The following SMAD7 variants were observed in gnomAD, a reference collection of about 807,000 sequenced individuals.
The protein encoded by SMAD7 is MAD (mothers against decapentaplegic, Drosophila) homolog 7.
SMAD7 carries 8 observed loss-of-function variants against 38.7 expected under a neutral mutation model. That is an observed-to-expected ratio of 0.21 (90% CI 0.12 to 0.37). The LOEUF (loss-of-function observed/expected upper bound fraction) is 0.37, where lower values mean the gene tolerates loss of function less well. Among genes scored for constraint, SMAD7 ranks in the 10% least tolerant of loss-of-function variants. The pLI is 1.00. For missense variants in SMAD7, 477 were observed against 577.9 expected, an observed-to-expected ratio of 0.83 and a Z score of 1.79; for synonymous variants, 327 against 265.1, an observed-to-expected ratio of 1.23 and a Z score of -2.27.
intron 3 of SMAD7, among the ~76,000 whole-genome samples, chr18:48,927,540 A>G (rs2069943460): frequency 6.6e-6 from 1 of 152,138 alleles, no homozygotes; most frequent in South Asian, 2.1e-4. Flanking sequence ...TATGCATTTC[A>G]CACCAACCTC....
At chr18:48,942,629 T>C in intron 2 of SMAD7, 74 bp from the exon 3 acceptor site, 1 of 1,606,054 alleles carries the variant, frequency 6.2e-7, no homozygotes, top group Non-Finnish European at 8.5e-7. Context: ...TTAAGCACGC[T>C]CTAAACAGCA....
At chr18:48,934,835 A>T (rs183533404) in intron 3 of SMAD7, among the ~76,000 whole-genome samples, 2 of 152,080 alleles carry the variant, frequency 1.3e-5, no homozygotes, top group East Asian at 3.9e-4. Flanking sequence ...CCTTTCACGA[A>T]CCACTTTTCT....
rs995153451 is a variant in SMAD7 at position 48,921,221 on chromosome 18, C to T, written c.*151G>A. On this transcript the variant is annotated 3_prime_UTR_variant, in exon 4 of 4. Transcript: ENST00000262158. The surrounding 1 kb of genome is among the most constrained non-coding windows in gnomAD (Gnocchi z 6.4). ...AGAGCGAAACAAAACAGAACACAAACGAGGACGAGAAGAAGAAAACCAACC... is the reference window on the plus strand; with the variant it reads ...AGAGCGAAACAAAACAGAACACAAATGAGGACGAGAAGAAGAAAACCAACC... 2.1e-5 allele frequency: 14 copies of T among 656,882 alleles called. No homozygotes were observed. The highest frequency in any genetic ancestry group is 1.0e-4 in the South Asian group (5 of 47,872). The allele number at this position is 656,882 out of a possible 1,614,324, so 40.7% of individuals were successfully genotyped here.
At chr18:48,944,851 C>G (rs2070178933) in intron 2 of SMAD7, among the ~76,000 whole-genome samples, 2 of 152,228 alleles carry the variant, frequency 1.3e-5, no homozygotes, top group Admixed American at 1.3e-4. Flanking sequence ...ACTCCTGACT[C>G]ACGCAACACT....
At position 48,950,284 on chromosome 18, in the gene SMAD7, C is replaced by A. The variant is rs1471477835; in HGVS notation, c.141G>T (p.Ala47=). 5.2e-6 allele frequency: 8 copies of A among 1,528,504 alleles called. No individual in the cohort carries two copies. The highest frequency in any genetic ancestry group is 1.4e-5 in the African/African-American group (1 of 70,792). 94.7% of individuals were successfully genotyped at this position (1,528,504 alleles called of 1,614,324 possible). ...CCGGGCCGCCGCCACCGGCCCCATG[C>A]GCTCGGCTGTCCGTCGCCCCTTCTC... ...LRGEGATDSR[A]HGAGGGGPGR... is the part of the protein sequence containing the mutation. Residue 47 remains alanine, a synonymous_variant, in exon 1 of 4, where the codon GCG becomes GCT. Transcript: ENST00000262158.
At position 48,950,261 on chromosome 18, in the gene SMAD7, G is replaced by T; in HGVS notation, c.164C>A (p.Pro55Gln). The T allele has an allele frequency of 6.6e-7, 1 of 1,518,292 alleles. No individual in the cohort carries two copies. 94.1% of individuals were successfully genotyped at this position (1,518,292 alleles called of 1,614,324 possible). A position where few individuals can be genotyped will look rare whatever the true frequency, so the allele number is the denominator to read the frequency against. ...GCCCAGGCAGCATCCAGCCCTGCCC[G>T]GGCCGCCGCCACCGGCCCCATGCGC... ...SRAHGAGGGG[P>Q]GRAGCCLGKA... The change falls in exon 1 of 4, where the codon CCG becomes CAG. Residue 55 changes from proline to glutamine, a missense_variant. By Grantham distance (76) the Pro-to-Gln change is moderately conservative (BLOSUM62 -1). Around this residue, in one of 2 missense-constraint regions of SMAD7, gnomAD observed 376 missense variants for 379.4 expected, o/e 0.99. Transcript: ENST00000262158.
chr18:48,950,416 C>A lies in SMAD7; in HGVS notation c.9G>T (p.Arg3Ser). 6.5e-7 allele frequency: 1 copy of A among 1,549,808 alleles called. No individual in the cohort carries two copies. Among genetic ancestry groups the A allele is most frequent in the South Asian group, 1.2e-5 (1 of 83,798 alleles). Residue 3 changes from arginine (R) to serine (S), a missense_variant, in exon 1 of 4, where the codon AGG (arginine) becomes AGT (serine). Arg to Ser is a moderately radical substitution (Grantham distance 110). This residue lies in a region of SMAD7 where 376 missense variants were observed against 379.4 expected (regional missense o/e 0.99). Coordinates refer to ENST00000262158, the MANE Select transcript of SMAD7 (RefSeq NM_005904.4). ...GCCGGACGAGCGCAGATCGTTTGGT[C>A]CTGAACATGCGGGGCGAGGAGGCGA... MFRTKRSALVRRL... is the reference protein window; with the variant it reads MFSTKRSALVRRL...
intron 2 of SMAD7, among the ~76,000 whole-genome samples, chr18:48,944,792 C>T (rs765799833): frequency 3.3e-5 from 5 of 152,212 alleles, no homozygotes; most frequent in East Asian, 1.9e-4. Flanking sequence ...AGGCCTGTGT[C>T]GCCTGTTCCC....
chr18:48,920,430 TC>T lies in SMAD7; in HGVS notation c.*941del, dbSNP rs1406226422. The T allele has an allele frequency of 6.6e-6, 1 of 152,296 alleles. No homozygotes were observed. The highest frequency in any genetic ancestry group is 1.5e-5 in the Non-Finnish European group (1 of 68,058). 9.4% of individuals were successfully genotyped at this position (152,296 alleles called of 1,614,324 possible). ...GCTAAGCATGTCCCTCCCAGGGACA[TC>T]CCCGCTTGCTGGCCTAATAGCAGAG... On this transcript the variant is annotated 3_prime_UTR_variant, in exon 4 of 4. Transcript: ENST00000262158.
At chr18:48,934,286 G>A (rs7351039) in intron 3 of SMAD7, among the ~76,000 whole-genome samples, 9,106 of 152,058 alleles carry the variant, frequency 0.06, 299 homozygotes, top group Non-Finnish European at 0.069. Flanking sequence ...ATAGTCTCAG[G>A]AAAGTTACAG....
Sources: allele counts gnomAD v4.1 joint callset (sites outside exome capture counted in the v4.1 genomes callset), GRCh38; gene constraint gnomAD v4.1.1; regional missense constraint gnomAD v4.1.1; non-coding constraint Gnocchi (gnomAD v3.1); transcripts MANE v1.5; gene names NCBI Gene and HGNC (gene_info 2026-07-23, HGNC 2026-07-21).